PPP1R21: variants seen among roughly 807,000 people sequenced by gnomAD.
The protein encoded by PPP1R21 is KLRAQ motif containing 1.
Under a neutral mutation model 112.8 loss-of-function variants are expected in PPP1R21, and 85 were observed. The observed-to-expected ratio is 0.75, with a 90% CI of 0.63 to 0.90. PPP1R21 has a LOEUF of 0.90. Among genes scored for constraint, PPP1R21 ranks in the 40% least tolerant of loss-of-function variants. The pLI is 0.00. For missense variants in PPP1R21, 1,199 were observed against 901.5 expected (o/e 1.33, Z -4.23); for synonymous variants, 381 against 322.3 (o/e 1.18, Z -1.95).
In PPP1R21 at chr2:48,454,759, C is replaced by T. The variant is rs367780811; in HGVS notation, c.273+18C>T. 2.4e-5 allele frequency: 38 copies of T among 1,603,212 alleles called. No individual in the cohort carries two copies. The highest frequency in any genetic ancestry group is 3.3e-4 in the Middle Eastern group (2 of 6,066). On this transcript the variant is annotated intron_variant, in intron 3 of 21. Transcript: ENST00000294952. ...AAAACAAGGTAGGTTCAAATACAGGCAAGTTAGTGTGACCTTGTCGTTAGT... is the reference window on the plus strand; with the variant it reads ...AAAACAAGGTAGGTTCAAATACAGGTAAGTTAGTGTGACCTTGTCGTTAGT...
At chr2:48,454,527 A>G (rs570564824) in intron 2 of PPP1R21, 68 bp from the exon 3 acceptor site, 1 of 1,563,946 alleles carries the variant, frequency 6.4e-7, no homozygotes, top group Non-Finnish European at 8.7e-7. Context: ...AATAGAAATA[A>G]TTTTTAATAA....
chr2:48,463,787 G>C (rs965044891), intron 7 of PPP1R21, among the ~76,000 whole-genome samples: 2 of 151,972 alleles, frequency 1.3e-5, no homozygotes, highest in South Asian at 2.1e-4. Flanking sequence ...CCAGGAGGAC[G>C]GTTAGCTGAG....
chr2:48,468,342 A>G (rs1668296255), intron 9 of PPP1R21, among the ~76,000 whole-genome samples: 1 of 152,168 alleles, frequency 6.6e-6, no homozygotes, highest in African/African-American at 2.4e-5. Context: ...CTTGGCTTTC[A>G]TCAATTTTGG....
intron 6 of PPP1R21, among the ~76,000 whole-genome samples, chr2:48,460,652 A>G (rs758254188): frequency 2.0e-5 from 3 of 152,204 alleles, no homozygotes; most frequent in Non-Finnish European, 2.9e-5. Context: ...TGAATTTCTC[A>G]TATCGATTTT....
chr2:48,498,802 A>G (rs908526380), intron 17 of PPP1R21, 67 bp downstream of exon 17: 40 of 1,488,568 alleles, frequency 2.7e-5, no homozygotes, highest in Non-Finnish European at 3.7e-5. Context: ...TCTAATGTTC[A>G]ACATTAACCA....
chr2:48,498,391 C>A, intron 16 of PPP1R21, 102 bp from the exon 17 acceptor site: 1 of 1,084,116 alleles, frequency 9.2e-7, no homozygotes. Flanking sequence ...ATATTTTTAC[C>A]TCTGTGGGGT....
intron 15 of PPP1R21, among the ~76,000 whole-genome samples, chr2:48,494,517 C>G (rs1669728740): frequency 6.7e-6 from 1 of 148,506 alleles, no homozygotes; most frequent in Non-Finnish European, 1.5e-5. Context: ...ACCTCCGCCT[C>G]CTGGGTTCAA....
At chr2:48,484,102 C>G (rs1367839482) in intron 13 of PPP1R21, among the ~76,000 whole-genome samples, 1 of 152,200 alleles carries the variant, frequency 6.6e-6, no homozygotes, top group African/African-American at 2.4e-5. Flanking sequence ...CCACACATTC[C>G]TTTCAGAACA....
chr2:48,467,633 A>G (rs1444696018), intron 9 of PPP1R21, among the ~76,000 whole-genome samples: 1 of 152,236 alleles, frequency 6.6e-6, no homozygotes, highest in Middle Eastern at 3.2e-3. Flanking sequence ...CATAAATGGC[A>G]GCTAACATTT....
intron 14 of PPP1R21, among the ~76,000 whole-genome samples, chr2:48,488,368 CTTTT>C (rs988826349): frequency 7.1e-6 from 1 of 141,610 alleles, no homozygotes; most frequent in African/African-American, 2.6e-5. Context: ...TATTTGCCAA[CTTTT>C]TTTTTTTTTT....
chr2:48,495,989 A>G (rs1669818238), intron 16 of PPP1R21, among the ~76,000 whole-genome samples: 1 of 152,236 alleles, frequency 6.6e-6, no homozygotes. Flanking sequence ...TATAATTGGA[A>G]CTAAAGTAAT....
intron 9 of PPP1R21, among the ~76,000 whole-genome samples, chr2:48,467,280 C>A (rs1239308598): frequency 1.3e-5 from 2 of 151,952 alleles, no homozygotes; most frequent in Non-Finnish European, 2.9e-5. Context: ...CTTTTTTCTC[C>A]CCTGCTAATT....
At chr2:48,497,977 T>C (rs1669928140) in intron 16 of PPP1R21, among the ~76,000 whole-genome samples, 1 of 152,194 alleles carries the variant, frequency 6.6e-6, no homozygotes, top group East Asian at 1.9e-4. Flanking sequence ...TCTAATTGTT[T>C]ACAAACATGT....
chr2:48,443,376 A>C (rs1667113672), intron 1 of PPP1R21, among the ~76,000 whole-genome samples: 1 of 152,228 alleles, frequency 6.6e-6, no homozygotes, highest in African/African-American at 2.4e-5. Context: ...TGTTATTCAC[A>C]TATTATTAGT....
chr2:48,464,582 C>T (rs1385220006), intron 7 of PPP1R21, among the ~76,000 whole-genome samples: 4 of 152,056 alleles, frequency 2.6e-5, no homozygotes, highest in African/African-American at 7.2e-5. Context: ...ATTAGCGTGG[C>T]GGCTTTGTGG....
intron 1 of PPP1R21, among the ~76,000 whole-genome samples, chr2:48,444,719 A>G (rs1443121359): frequency 6.6e-6 from 1 of 152,214 alleles, no homozygotes; most frequent in Non-Finnish European, 1.5e-5. Context: ...ATTGAATCTG[A>G]AACTAGCAGT....
intron 17 of PPP1R21, among the ~76,000 whole-genome samples, chr2:48,504,571 G>A (rs1435705444): frequency 1.3e-5 from 2 of 152,118 alleles, no homozygotes; most frequent in East Asian, 1.9e-4. Context: ...AACCCGGGAG[G>A]TGGAGGTTGC....
chr2:48,509,947 C>G (rs1670556703), intron 19 of PPP1R21, 68 bp from the exon 20 acceptor site: 3 of 1,179,090 alleles, frequency 2.5e-6, no homozygotes, highest in African/African-American at 1.5e-5. Flanking sequence ...TTTTAACAAA[C>G]TTTCCCGAAG....
chr2:48,472,471 C>A (rs911617729), intron 11 of PPP1R21, among the ~76,000 whole-genome samples: 2 of 150,406 alleles, frequency 1.3e-5, no homozygotes, highest in Admixed American at 1.3e-4. Context: ...ACTAAAAATA[C>A]AAAAATTAGC....
Sources: allele counts gnomAD v4.1 joint callset (sites outside exome capture counted in the v4.1 genomes callset), GRCh38; gene constraint gnomAD v4.1.1; transcripts MANE v1.5; gene names NCBI Gene and HGNC (gene_info 2026-07-23, HGNC 2026-07-21).